TSNARE1: variants seen among roughly 807,000 people sequenced by gnomAD.
TSNARE1 encodes the protein t-SNARE domain-containing protein 1.
In TSNARE1, 49 loss-of-function variants were observed where a neutral mutation model predicts 62.0. The observed-to-expected ratio is 0.79, with a 90% CI of 0.63 to 1.00. The LOEUF is 1.00. TSNARE1 is among the 50% of genes least tolerant of loss of function. TSNARE1 has a pLI of 0.00. For missense variants in TSNARE1, 755 were observed against 700.1 expected (o/e 1.08, Z -0.88); for synonymous variants, 328 against 294.4 (o/e 1.11, Z -1.17).
intron 12 of TSNARE1, among the ~76,000 whole-genome samples, chr8:142,255,433 AC>A (rs1818386492): frequency 2.1e-5 from 2 of 95,642 alleles, no homozygotes; most frequent in African/African-American, 1.0e-4. Context: ...CACCACCACC[AC>A]TGTCACCATC....
intron 1 of TSNARE1, among the ~76,000 whole-genome samples, chr8:142,385,343 A>G (rs75072850): frequency 0.018 from 2,783 of 152,300 alleles, 80 homozygotes; most frequent in South Asian, 0.084. Context: ...CCCACCCACC[A>G]TTCTGAAAAA....
rs963067906 is a variant in TSNARE1 at position 142,291,645 on chromosome 8, G to A, written c.1291-7160C>T. On this transcript the variant is annotated intron_variant, in intron 10 of 13. Coordinates refer to ENST00000524325, the MANE Select transcript of TSNARE1 (RefSeq NM_145003.5). The surrounding 1 kb of genome is among the most constrained non-coding windows in gnomAD (Gnocchi z 4.8). ...CGCAGACGTGACGGGAACAGGCAAC[G>A]CCGTTGCCTCCGCGGGCTTACGCTC... Among the ~76,000 whole-genome samples the A allele has an allele frequency of 3.9e-5, 6 of 152,040 alleles. No homozygotes were observed. The highest frequency in any genetic ancestry group is 2.1e-4 in the South Asian group (1 of 4,818).
chr8:142,226,537 G>A (rs1267725120), intron 13 of TSNARE1, among the ~76,000 whole-genome samples: 2 of 152,120 alleles, frequency 1.3e-5, no homozygotes, highest in African/African-American at 4.8e-5. Flanking sequence ...GACCCTGGTG[G>A]CCCCCAGAGA....
intron 12 of TSNARE1, among the ~76,000 whole-genome samples, chr8:142,254,682 GCCTGGACTCGAAC>G (rs1317004634): frequency 1.3e-5 from 2 of 152,354 alleles, no homozygotes; most frequent in African/African-American, 4.8e-5. Context: ...CATCAGAGAG[GCCTGGACTCGAAC>G]CCTGGCCTCA....
rs190957180 is a variant in TSNARE1, at chr8:142,361,186, G to A, written c.-39-6423C>T. Among the ~76,000 whole-genome samples the A allele has an allele frequency of 7.9e-5, 12 of 152,362 alleles. 1 individual carries two copies. The highest frequency in any genetic ancestry group is 1.5e-4 in the Non-Finnish European group (10 of 68,026). ...CACGCGTTCTCTGTACCTCTGACCC[G>A]GGCACCGTGGTGGGGACACAGCAGC... is the stretch of plus-strand genomic sequence containing the variant. On this transcript the variant is annotated intron_variant, in intron 1 of 13. Coordinates refer to ENST00000524325, the MANE Select transcript of TSNARE1 (RefSeq NM_145003.5).
chr8:142,356,152 C>T (rs1354586503), intron 1 of TSNARE1, among the ~76,000 whole-genome samples: 3 of 152,232 alleles, frequency 2.0e-5, no homozygotes, highest in Admixed American at 1.3e-4. Context: ...GTCCTACAGT[C>T]GTGGCACCCT....
At chr8:142,239,263 C>G (rs1315830782) in intron 12 of TSNARE1, among the ~76,000 whole-genome samples, 1 of 152,194 alleles carries the variant, frequency 6.6e-6, no homozygotes, top group Admixed American at 6.5e-5. Flanking sequence ...GACACCCCTC[C>G]TTTCTGCAGA....
intron 11 of TSNARE1, among the ~76,000 whole-genome samples, chr8:142,281,640 A>C: frequency 6.6e-6 from 1 of 151,932 alleles, no homozygotes; most frequent in East Asian, 2.0e-4. Context: ...GGGGACCCAG[A>C]GCTTTTAGAC....
chr8:142,385,630 T>C (rs993230091), intron 1 of TSNARE1, among the ~76,000 whole-genome samples: 6 of 152,202 alleles, frequency 3.9e-5, no homozygotes, highest in African/African-American at 1.4e-4. Flanking sequence ...GGATATCATT[T>C]AAAGCTGACA....
chr8:142,331,678 C>A (rs751324968), intron 5 of TSNARE1, 76 bp downstream of exon 5: 218 of 1,424,020 alleles, frequency 1.5e-4, no homozygotes, highest in Non-Finnish European at 2.0e-4. Flanking sequence ...CCATCCAGCA[C>A]CCTCGCCTCC....
chr8:142,383,942 C>T (rs948345837), intron 1 of TSNARE1, among the ~76,000 whole-genome samples: 21 of 152,120 alleles, frequency 1.4e-4, no homozygotes, highest in African/African-American at 5.1e-4. Context: ...AGGGCTATGA[C>T]CAAGAACAGA....
At chr8:142,255,396 TACCATCACCACCACCATC>T (rs1198381360) in intron 12 of TSNARE1, among the ~76,000 whole-genome samples, 52 of 79,394 alleles carry the variant, frequency 6.5e-4, no homozygotes, top group African/African-American at 2.1e-3. Flanking sequence ...CCACCACCAT[TACCATCACCACCACCATC>T]ACCATCACCA....
intron 7 of TSNARE1, among the ~76,000 whole-genome samples, 200 bp from the exon 8 acceptor site, chr8:142,315,292 CG>C (rs1322549469): frequency 6.6e-6 from 1 of 151,918 alleles, no homozygotes; most frequent in Non-Finnish European, 1.5e-5. Flanking sequence ...CCACAAAATC[CG>C]GTGCAGGGGT....
At chr8:142,307,225 G>A (rs1826843431) in intron 9 of TSNARE1, among the ~76,000 whole-genome samples, 1 of 152,228 alleles carries the variant, frequency 6.6e-6, no homozygotes, top group African/African-American at 2.4e-5. Flanking sequence ...GACATCACCA[G>A]TGGGCGTGGT....
At chr8:142,348,079 C>T (rs1221987802) in intron 2 of TSNARE1, among the ~76,000 whole-genome samples, 1 of 152,180 alleles carries the variant, frequency 6.6e-6, no homozygotes. Flanking sequence ...ATAATACCCA[C>T]AAATTACAGA....
At chr8:142,259,538 T>C (rs2130381250) in intron 12 of TSNARE1, among the ~76,000 whole-genome samples, 1 of 152,270 alleles carries the variant, frequency 6.6e-6, no homozygotes, top group South Asian at 2.1e-4. Flanking sequence ...ATCACGAAAA[T>C]GAGATTCTCC....
chr8:142,337,365 C>T (rs1347509835), intron 4 of TSNARE1, among the ~76,000 whole-genome samples: 2 of 152,164 alleles, frequency 1.3e-5, no homozygotes, highest in South Asian at 2.1e-4. Flanking sequence ...AACATTTGTC[C>T]GTACAAAGAT....
intron 1 of TSNARE1, among the ~76,000 whole-genome samples, chr8:142,385,148 A>C (rs1225673487): frequency 6.6e-6 from 1 of 152,122 alleles, no homozygotes; most frequent in African/African-American, 2.4e-5. Context: ...AGGCACTTAT[A>C]AAGGGAGGAA....
chr8:142,340,808 G>A (rs765577385), intron 4 of TSNARE1, among the ~76,000 whole-genome samples: 22 of 152,182 alleles, frequency 1.4e-4, no homozygotes, highest in African/African-American at 4.6e-4. Flanking sequence ...CAGCCCACAC[G>A]CAGGCAGGGC....
Sources: gnomAD v4.1 joint callset for allele counts (sites outside exome capture counted in the v4.1 genomes callset) on GRCh38, gnomAD v4.1.1 for gene constraint, Gnocchi (gnomAD v3.1) non-coding constraint, MANE v1.5 for transcripts, NCBI Gene and HGNC (gene_info 2026-07-23, HGNC 2026-07-21) for gene names.